ZNF407: variants seen among roughly 807,000 people sequenced by gnomAD.
ZNF407 encodes the protein zinc finger protein 407.
In ZNF407, 17 loss-of-function variants were observed where a neutral mutation model predicts 131.2. The observed-to-expected ratio is 0.13, with a 90% CI of 0.09 to 0.19. The LOEUF is 0.19. Ranked by LOEUF, ZNF407 falls within the 10% of genes least tolerant of loss-of-function variation. The pLI is 1.00. For missense variants in ZNF407, 2,681 were observed against 2,830.6 expected (o/e 0.95, Z 1.20); for synonymous variants, 1,156 against 1,062.0 (o/e 1.09, Z -1.72).
At chr18:74,986,048 T>C (rs1413725821) in intron 8 of ZNF407, among the ~76,000 whole-genome samples, 1 of 152,236 alleles carries the variant, frequency 6.6e-6, no homozygotes, top group Non-Finnish European at 1.5e-5. Context: ...CAGCATCCTG[T>C]GTGAACATAC....
intron 4 of ZNF407, among the ~76,000 whole-genome samples, chr18:74,832,075 G>A (rs770453989): frequency 6.6e-6 from 1 of 152,214 alleles, no homozygotes; most frequent in Non-Finnish European, 1.5e-5. Flanking sequence ...TGAGCAGTTG[G>A]AGAGTCTTCA....
At position 74,634,301 on chromosome 18, in the gene ZNF407, C is replaced by A; in HGVS notation, c.3282C>A (p.Ile1094=). The stretch of plus-strand genomic sequence containing the variant: ...GTTCTGCAGACATGTCCAAAAACAT[C>A]ATTATGCCTGAAGAAGAGCATCAAC... ...EAGSADMSKN[I]IMPEEEHQQN... Residue 1094 remains isoleucine, a synonymous_variant, in exon 2 of 9, where the codon ATC becomes ATA. Transcript: ENST00000299687. The A allele has an allele frequency of 1.9e-6, 3 of 1,613,986 alleles. No homozygotes were observed. The highest frequency in any genetic ancestry group is 2.5e-6 in the Non-Finnish European group (3 of 1,179,876).
At chr18:74,969,933 C>T (rs926997165) in intron 8 of ZNF407, among the ~76,000 whole-genome samples, 16 of 152,202 alleles carry the variant, frequency 1.1e-4, no homozygotes, top group Admixed American at 8.5e-4. Flanking sequence ...TTGATAAAGG[C>T]ATACCCGAGA....
At chr18:74,772,786 G>A (rs974918593) in intron 3 of ZNF407, among the ~76,000 whole-genome samples, 21 of 152,220 alleles carry the variant, frequency 1.4e-4, no homozygotes, top group African/African-American at 2.4e-4. Context: ...GGTGTGTCAC[G>A]GGGGTATGTG....
At chr18:74,872,889 TAA>T (rs1179130313) in intron 4 of ZNF407, among the ~76,000 whole-genome samples, 2 of 152,152 alleles carry the variant, frequency 1.3e-5, no homozygotes, top group Admixed American at 1.3e-4. Context: ...TATTTTTCAT[TAA>T]GTTTTTAATA....
At chr18:74,848,714 T>G (rs1214593128) in intron 4 of ZNF407, among the ~76,000 whole-genome samples, 1 of 152,240 alleles carries the variant, frequency 6.6e-6, no homozygotes, top group Admixed American at 6.5e-5. Context: ...CAGCATCTTT[T>G]TCTCGCTTCA....
chr18:74,840,465 G>T (rs1970616441), intron 4 of ZNF407, among the ~76,000 whole-genome samples: 1 of 152,018 alleles, frequency 6.6e-6, no homozygotes, highest in Admixed American at 6.5e-5. Context: ...ATTTGTCCAA[G>T]TGGAAAAACT....
chr18:74,647,575 C>G (rs1386635557), intron 3 of ZNF407, among the ~76,000 whole-genome samples: 2 of 152,150 alleles, frequency 1.3e-5, no homozygotes, highest in African/African-American at 4.8e-5. Context: ...GTTAACCTTC[C>G]TCTCCCTGTT....
At chr18:74,606,281 CTCA>C (rs1459177495) in intron 1 of ZNF407, among the ~76,000 whole-genome samples, 93 of 152,146 alleles carry the variant, frequency 6.1e-4, no homozygotes, top group Non-Finnish European at 4.4e-4. Flanking sequence ...CAGGTTGAAG[CTCA>C]TCATGTGTGT....
At chr18:74,881,244 C>T (rs1971234184) in intron 6 of ZNF407, 125 bp downstream of exon 6, 1 of 732,012 alleles carries the variant, frequency 1.4e-6, no homozygotes, top group Non-Finnish European at 2.1e-6. Context: ...ACTTGAAGGT[C>T]TACAGATAAT....
intron 8 of ZNF407, among the ~76,000 whole-genome samples, chr18:75,054,567 C>T (rs747448612): frequency 7.2e-5 from 11 of 152,256 alleles, no homozygotes; most frequent in African/African-American, 2.2e-4. Flanking sequence ...CCAGGAGGAC[C>T]GGCTGGGCTT....
chr18:74,682,032 A>G (rs573154513), intron 3 of ZNF407, among the ~76,000 whole-genome samples: 1 of 152,316 alleles, frequency 6.6e-6, no homozygotes, highest in East Asian at 1.9e-4. Flanking sequence ...TACCAAGAGG[A>G]AATTCATCTA....
intron 1 of ZNF407, among the ~76,000 whole-genome samples, chr18:74,599,067 A>G (rs1410857807): frequency 6.6e-6 from 1 of 152,196 alleles, no homozygotes; most frequent in African/African-American, 2.4e-5. Context: ...AACACTGTAG[A>G]CAGGGGCCCT....
chr18:74,786,942 A>G (rs1969729864), intron 4 of ZNF407, among the ~76,000 whole-genome samples: 1 of 150,940 alleles, frequency 6.6e-6, no homozygotes, highest in Non-Finnish European at 1.5e-5. Context: ...AATAATTGGG[A>G]TTACATGCAC....
intron 3 of ZNF407, among the ~76,000 whole-genome samples, chr18:74,713,905 C>A (rs1465844649): frequency 6.6e-6 from 1 of 152,130 alleles, no homozygotes; most frequent in African/African-American, 2.4e-5. Context: ...TATGGCAGAA[C>A]TAACAGTAGT....
intron 3 of ZNF407, among the ~76,000 whole-genome samples, chr18:74,710,802 C>A (rs1325152136): frequency 6.6e-6 from 1 of 152,162 alleles, no homozygotes; most frequent in Admixed American, 6.5e-5. Context: ...CCAAGTTAAT[C>A]AAATGAACTA....
intron 8 of ZNF407, among the ~76,000 whole-genome samples, chr18:74,983,540 T>G (rs1164261310): frequency 1.3e-5 from 2 of 152,226 alleles, no homozygotes. Flanking sequence ...TTGTTGCTTT[T>G]TTGAATGATT....
chr18:74,868,262 C>T lies in ZNF407; in HGVS notation c.4878-8935C>T, dbSNP rs371484844. ...TACATTACTTGGCCACATGTTAGAA[C>T]GATGTCATCATAAATCTTGGGTGAG... On this transcript the variant is annotated intron_variant, in intron 4 of 8. Transcript: ENST00000299687. Among the ~76,000 whole-genome samples, 5 of 152,096 alleles carry T rather than the reference C, an allele frequency of 3.3e-5. No homozygotes were observed. The East Asian group carries it at 7.7e-4, about 23-fold the overall frequency.
Position 75,063,880 on chromosome 18 carries a change from G to A in ZNF407, c.6159G>A (p.Val2053=), listed in dbSNP as rs1973674442. ...FPQAQESPAA[V]EVLTQVVHPS... Reference sequence around the variant, plus strand: ...AGGCCCAGGAGAGCCCGGCCGCCGTGGAGGTGCTCACCCAGGTGGTCCATC... The same window carrying A: ...AGGCCCAGGAGAGCCCGGCCGCCGTAGAGGTGCTCACCCAGGTGGTCCATC... Residue 2053 remains valine (V), a synonymous_variant, in exon 9 of 9, where the codon GTG becomes GTA. Transcript: ENST00000299687. This position sits in a 1 kb window ranked among gnomAD's most constrained non-coding sequence, Gnocchi z 6.6. The A allele has an allele frequency of 6.2e-7, 1 of 1,612,836 alleles. No individual in the cohort carries two copies. Among genetic ancestry groups the A allele is most frequent in the South Asian group, 1.1e-5 (1 of 91,042 alleles).
Sources: allele counts gnomAD v4.1 joint callset (sites outside exome capture counted in the v4.1 genomes callset), GRCh38; gene constraint gnomAD v4.1.1; non-coding constraint Gnocchi (gnomAD v3.1); transcripts MANE v1.5; gene names NCBI Gene and HGNC (gene_info 2026-07-23, HGNC 2026-07-21).